Variants in MLLT10 observed in about 807,000 individuals in gnomAD.
The protein encoded by MLLT10 is MLLT10 histone lysine methyltransferase DOT1L cofactor, also known as protein AF-10.
A neutral mutation model predicts 129.1 loss-of-function variants in MLLT10; 30 were observed. The observed-to-expected ratio is 0.23, with a 90% confidence interval of 0.17 to 0.32. The LOEUF (loss-of-function observed/expected upper bound fraction) is 0.32, where lower values mean the gene tolerates loss of function less well. MLLT10 is among the 10% of genes least tolerant of loss of function. The pLI, the probability that MLLT10 is intolerant of heterozygous loss-of-function variation, is 1.00. For missense variants in MLLT10, 1,119 were observed against 1,268.3 expected, an observed-to-expected ratio of 0.88 and a Z score of 1.79; for synonymous variants, 490 against 446.4, an observed-to-expected ratio of 1.10 and a Z score of -1.23.
chr10:21,674,077 A>T (rs906074846), intron 11 of MLLT10, among the ~76,000 whole-genome samples, 158 bp downstream of exon 11: 12 of 152,252 alleles, frequency 7.9e-5, no homozygotes, highest in African/African-American at 2.7e-4. Flanking sequence ...CTAATGGAAA[A>T]TACAAAAATA....
At chr10:21,740,995 A>G (rs1027321370) in intron 22 of MLLT10, among the ~76,000 whole-genome samples, 17 of 152,224 alleles carry the variant, frequency 1.1e-4, no homozygotes, top group African/African-American at 3.9e-4. Flanking sequence ...CTGAGGTGGG[A>G]GACTTGGCAA....
intron 16 of MLLT10, among the ~76,000 whole-genome samples, chr10:21,730,671 C>G (rs1435640370): frequency 1.3e-5 from 2 of 152,184 alleles, no homozygotes; most frequent in South Asian, 2.1e-4. Flanking sequence ...TTTTAATTAT[C>G]TATGATGGCT....
At chr10:21,615,260 C>A (rs1215188205) in intron 7 of MLLT10, among the ~76,000 whole-genome samples, 2 of 151,552 alleles carry the variant, frequency 1.3e-5, no homozygotes, top group African/African-American at 4.8e-5. Flanking sequence ...GAATTGGAGA[C>A]CAGCCTGACC....
chr10:21,613,417 A>G (rs2044871671), intron 6 of MLLT10, among the ~76,000 whole-genome samples: 1 of 152,160 alleles, frequency 6.6e-6, no homozygotes, highest in Non-Finnish European at 1.5e-5. Flanking sequence ...AATCTGTTTT[A>G]TACTACTATT....
chr10:21,701,761 T>A (rs570254537), intron 13 of MLLT10, among the ~76,000 whole-genome samples: 33 of 151,788 alleles, frequency 2.2e-4, no homozygotes, highest in Non-Finnish European at 3.4e-4. Context: ...TAATTTTTTT[T>A]ATATTTTTAG....
chr10:21,740,351 G>A, intron 22 of MLLT10, 115 bp downstream of exon 22: 2 of 1,161,368 alleles, frequency 1.7e-6, no homozygotes, highest in East Asian at 2.5e-5. Context: ...AAAACCAGTT[G>A]CTTTTAGCAG....
chr10:21,535,061 T>A (rs1208250825), intron 2 of MLLT10, among the ~76,000 whole-genome samples: 2 of 134,056 alleles, frequency 1.5e-5, no homozygotes, highest in Admixed American at 7.8e-5. Context: ...CGGGGTCTGC[T>A]GACTCGGCGG....
chr10:21,564,194 C>T (rs920003813), intron 3 of MLLT10, among the ~76,000 whole-genome samples: 1 of 152,106 alleles, frequency 6.6e-6, no homozygotes, highest in Non-Finnish European at 1.5e-5. Flanking sequence ...TGGCTTATTG[C>T]CGCCTTAACC....
At chr10:21,562,344 TA>T (rs1212717368) in intron 3 of MLLT10, among the ~76,000 whole-genome samples, 5 of 151,704 alleles carry the variant, frequency 3.3e-5, no homozygotes, top group South Asian at 4.2e-4. Flanking sequence ...TTTATTTATT[TA>T]TTTTTTTTTG....
At chr10:21,695,603 A>G (rs995641043) in intron 13 of MLLT10, among the ~76,000 whole-genome samples, 1 of 151,636 alleles carries the variant, frequency 6.6e-6, no homozygotes, top group Non-Finnish European at 1.5e-5. Flanking sequence ...TGCCATTTCT[A>G]TTTTCGAAGT....
chr10:21,709,190 C>T (rs1038813791), intron 13 of MLLT10, among the ~76,000 whole-genome samples: 5 of 150,352 alleles, frequency 3.3e-5, no homozygotes, highest in South Asian at 2.1e-4. Context: ...CTGTGTAGTA[C>T]ACTTTTCACC....
At chr10:21,584,886 T>G (rs1564456747) in intron 3 of MLLT10, among the ~76,000 whole-genome samples, 2 of 150,008 alleles carry the variant, frequency 1.3e-5, no homozygotes, top group East Asian at 1.9e-4. Context: ...GTGTGTGTGT[T>G]TATATATATG....
At chr10:21,705,492 G>A (rs887059570) in intron 13 of MLLT10, among the ~76,000 whole-genome samples, 2 of 152,196 alleles carry the variant, frequency 1.3e-5, no homozygotes, top group African/African-American at 4.8e-5. Flanking sequence ...TAAGTCACCA[G>A]CAGAATGTTC....
At chr10:21,551,797 T>C in intron 3 of MLLT10, 1 of 422,762 alleles carries the variant, frequency 2.4e-6, no homozygotes, top group South Asian at 1.7e-5. Flanking sequence ...TCTGTCTCTC[T>C]CTCTTTTTTT....
chr10:21,697,667 C>T (rs2081061446), intron 13 of MLLT10, among the ~76,000 whole-genome samples: 1 of 152,050 alleles, frequency 6.6e-6, no homozygotes, highest in African/African-American at 2.4e-5. Flanking sequence ...TTTAGGAACA[C>T]CAGTATTCCA....
chr10:21,703,552 T>G (rs1471898196), intron 13 of MLLT10, among the ~76,000 whole-genome samples: 1 of 152,094 alleles, frequency 6.6e-6, no homozygotes, highest in Non-Finnish European at 1.5e-5. Context: ...CCTGGGAAGT[T>G]CTTTTTTTTT....
intron 14 of MLLT10, among the ~76,000 whole-genome samples, chr10:21,718,876 A>G (rs1322642833): frequency 3.3e-5 from 5 of 152,176 alleles, no homozygotes; most frequent in Non-Finnish European, 5.9e-5. Context: ...CACGTGCACC[A>G]CCACGCCTGG....
chr10:21,624,976 C>A, intron 8 of MLLT10: 1 of 1,233,164 alleles, frequency 8.1e-7, no homozygotes. Flanking sequence ...CCCTGCCCTC[C>A]CCTTCCTCCT....
intron 14 of MLLT10, among the ~76,000 whole-genome samples, chr10:21,714,865 G>A (rs534246662): frequency 3.4e-4 from 52 of 152,260 alleles, no homozygotes; most frequent in African/African-American, 1.2e-3. Flanking sequence ...AAGAGAAATT[G>A]TAATCCTGTT....
Sources: allele counts gnomAD v4.1 joint callset (sites outside exome capture counted in the v4.1 genomes callset), GRCh38; gene constraint gnomAD v4.1.1; transcripts MANE v1.5; gene names NCBI Gene and HGNC (gene_info 2026-07-23, HGNC 2026-07-21).